The following PC variants were observed in gnomAD, a reference collection of about 807,000 sequenced individuals.
The protein encoded by PC is pyruvate carboxylase, also known as pyruvate carboxylase, mitochondrial.
Under a neutral mutation model 107.8 loss-of-function variants are expected in PC, and 46 were observed. That is an observed-to-expected ratio of 0.43 (90% CI 0.34 to 0.55). The LOEUF is 0.55. Among genes scored for constraint, PC ranks in the 20% least tolerant of loss-of-function variants. PC has a pLI of 0.04. For missense variants in PC, 1,241 were observed against 1,643.1 expected (o/e 0.76, Z 4.23); for synonymous variants, 662 against 684.7 (o/e 0.97, Z 0.52).
chr11:66,949,467 G>A (rs989477394), intron 3 of PC, among the ~76,000 whole-genome samples: 12 of 151,716 alleles, frequency 7.9e-5, no homozygotes, highest in African/African-American at 1.2e-4. Flanking sequence ...AGGCCGAGGC[G>A]GGCAGATCAC....
chr11:66,848,845 G>A lies in PC; in HGVS notation c.*54C>T. 6.2e-7 allele frequency: 1 copy of A among 1,611,424 alleles called. No homozygotes were observed. Among genetic ancestry groups the A allele is most frequent in the Non-Finnish European group, 8.5e-7 (1 of 1,179,404 alleles). ...TGGCTGGCCTGGGCCTGCCGTGGCA[G>A]CACAGCTTCTGTTGAAGGCTTGGGG... On this transcript the variant is annotated 3_prime_UTR_variant, in exon 23 of 23. Transcript: ENST00000393960.
At chr11:66,948,483 T>G (rs993959274) in intron 3 of PC, among the ~76,000 whole-genome samples, 3 of 152,206 alleles carry the variant, frequency 2.0e-5, no homozygotes, top group African/African-American at 7.2e-5. Flanking sequence ...TACACATATG[T>G]TAAAACTTAC....
chr11:66,893,108 C>T (rs1036722308), intron 3 of PC, among the ~76,000 whole-genome samples: 1 of 152,210 alleles, frequency 6.6e-6, no homozygotes, highest in Non-Finnish European at 1.5e-5. Context: ...ATTCTGCTGT[C>T]CAGCTGCACC....
In PC at chr11:66,863,944, C is replaced by T. The variant is rs1208462345; in HGVS notation, c.1198G>A (p.Gly400Arg). Reference sequence around the variant, plus strand: ...TCCAGGCGGATGCCCATGCCCTCTCCGCTCCGGAACACCTGTGGGAAGGGT... The same window carrying T: ...TCCAGGCGGATGCCCATGCCCTCTCTGCTCCGGAACACCTGTGGGAAGGGT... ...DTGRIEVFRSGEGMGIRLDNA... is the reference protein window; with the variant it reads ...DTGRIEVFRSREGMGIRLDNA... The change falls in exon 12 of 23, where the codon GGA becomes AGA. Residue 400 changes from glycine (G) to arginine (R), a missense_variant. Physicochemically the swap from Gly to Arg is moderately radical, Grantham distance 125. Coordinates refer to ENST00000393960, the MANE Select transcript of PC (RefSeq NM_001040716.2). 1.2e-6 allele frequency: 2 copies of T among 1,613,866 alleles called. No homozygotes were observed. The highest frequency in any genetic ancestry group is 1.7e-5 in the Admixed American group (1 of 60,034).
At chr11:66,933,383 C>G (rs1001458136) in intron 3 of PC, among the ~76,000 whole-genome samples, 3 of 152,162 alleles carry the variant, frequency 2.0e-5, no homozygotes, top group Admixed American at 6.5e-5. Flanking sequence ...TAAGTCTCAA[C>G]GCTTATTGCT....
rs374880435 is a variant in PC, at chr11:66,852,416, C to T, written c.1825+23G>A. 7.9e-5 allele frequency: 126 copies of T among 1,595,420 alleles called. No homozygotes were observed. The highest frequency in any genetic ancestry group is 1.3e-4 in the Admixed American group (8 of 59,996). On this transcript the variant is annotated intron_variant, in intron 15 of 22. Transcript: ENST00000393960. This position sits in a 1 kb window ranked among gnomAD's most constrained non-coding sequence, Gnocchi z 4.7. ...AGAGCGGGCGCCCATTCCTACCAGG[C>T]GCTGCGCAGCATGCCAGCCTACCTC...
intron 3 of PC, among the ~76,000 whole-genome samples, chr11:66,943,538 G>C (rs1317426647): frequency 6.6e-6 from 1 of 151,564 alleles, no homozygotes; most frequent in Admixed American, 6.6e-5. Context: ...GAGGTCAGGA[G>C]ATTGAGACCA....
intron 3 of PC, among the ~76,000 whole-genome samples, chr11:66,912,505 C>T (rs751360559): frequency 1.1e-4 from 16 of 152,180 alleles, no homozygotes; most frequent in Non-Finnish European, 1.8e-4. Context: ...GATTCCTGCA[C>T]TGAGTAGGTG....
At chr11:66,928,508 T>C (rs1171159971) in intron 3 of PC, among the ~76,000 whole-genome samples, 1 of 150,150 alleles carries the variant, frequency 6.7e-6, no homozygotes, top group African/African-American at 2.5e-5. Context: ...AAAAAAATAA[T>C]GTGAGCATTA....
intron 3 of PC, among the ~76,000 whole-genome samples, chr11:66,901,030 GA>G (rs1398679179): frequency 6.6e-6 from 1 of 152,072 alleles, no homozygotes; most frequent in Non-Finnish European, 1.5e-5. Flanking sequence ...AACTAGTTTT[GA>G]TTTGGCAGCC....
intron 3 of PC, among the ~76,000 whole-genome samples, chr11:66,896,026 G>C (rs1947747740): frequency 6.6e-6 from 1 of 152,170 alleles, no homozygotes; most frequent in Non-Finnish European, 1.5e-5. Context: ...AGTTAGAAAA[G>C]TGCAAAGCAA....
chr11:66,860,060 CGG>C (rs1565229195), intron 12 of PC: 4 of 1,566,266 alleles, frequency 2.6e-6, no homozygotes, highest in Non-Finnish European at 8.6e-7. Flanking sequence ...TGGGAGATGC[CGG>C]GTGCTACGGT....
At chr11:66,861,382 G>A (rs1373686975) in intron 12 of PC, among the ~76,000 whole-genome samples, 4 of 152,226 alleles carry the variant, frequency 2.6e-5, no homozygotes, top group Admixed American at 2.0e-4. Context: ...CGGCAAACAC[G>A]CTGCACAGAC....
intron 3 of PC, among the ~76,000 whole-genome samples, chr11:66,872,743 T>A (rs1228167149): frequency 1.3e-5 from 2 of 151,112 alleles, no homozygotes; most frequent in Admixed American, 6.6e-5. Context: ...TCAAAAAAAA[T>A]AAAAGTATCA....
chr11:66,850,966 G>A (rs1411609328), intron 17 of PC, 43 bp from the exon 18 acceptor site: 2 of 1,607,978 alleles, frequency 1.2e-6, no homozygotes, highest in East Asian at 4.5e-5. Flanking sequence ...GGTAGAGAGG[G>A]CAGGATGTGT....
At chr11:66,958,218 C>A (rs1365870673) in intron 1 of PC, 104 bp downstream of exon 1, 1 of 152,140 alleles carries the variant, frequency 6.6e-6, no homozygotes, top group Non-Finnish European at 1.5e-5. Flanking sequence ...CGCCTTTGCG[C>A]GCGCGACCCT....
At chr11:66,948,668 C>T (rs897791642) in intron 3 of PC, among the ~76,000 whole-genome samples, 13 of 152,030 alleles carry the variant, frequency 8.6e-5, no homozygotes, top group African/African-American at 2.7e-4. Flanking sequence ...GGTGAAACCC[C>T]GTCTCCACAA....
At chr11:66,931,791 G>A (rs895162015) in intron 3 of PC, among the ~76,000 whole-genome samples, 1 of 152,168 alleles carries the variant, frequency 6.6e-6, no homozygotes, top group Non-Finnish European at 1.5e-5. Context: ...GCCAAGGCAG[G>A]TGGATCACAA....
intron 12 of PC, chr11:66,860,477 T>C (rs755022690): frequency 2.8e-6 from 2 of 702,814 alleles, no homozygotes; most frequent in Non-Finnish European, 5.2e-6. Context: ...GACACCTCAG[T>C]GCTAGTCTCT....
Sources: gnomAD v4.1 joint callset for allele counts (sites outside exome capture counted in the v4.1 genomes callset) on GRCh38, gnomAD v4.1.1 for gene constraint, Gnocchi (gnomAD v3.1) non-coding constraint, MANE v1.5 for transcripts, NCBI Gene and HGNC (gene_info 2026-07-23, HGNC 2026-07-21) for gene names.